The following C7orf33 variants were observed in gnomAD, a reference collection of about 807,000 sequenced individuals.
The protein encoded by C7orf33 is uncharacterized protein C7orf33.
C7orf33 carries 15 observed loss-of-function variants against 13.4 expected under a neutral mutation model. That is an observed-to-expected ratio of 1.12 (90% CI 0.75 to 1.72). The LOEUF (loss-of-function observed/expected upper bound fraction) is 1.72. Among genes scored for constraint, C7orf33 ranks in the 40% most tolerant of loss-of-function variants. C7orf33 has a pLI of 0.00. For synonymous variants in C7orf33, 73 were observed against 83.2 expected, an observed-to-expected ratio of 0.88 and a Z score of 0.67; for missense variants, 187 against 220.3, an observed-to-expected ratio of 0.85 and a Z score of 0.96.
intron 1 of C7orf33, among the ~76,000 whole-genome samples, chr7:148,593,395 G>A (rs1012824525): frequency 2.6e-5 from 4 of 151,908 alleles, no homozygotes; most frequent in African/African-American, 7.2e-5. Flanking sequence ...CCCAAGTAGC[G>A]GGAATTACAG....
At chr7:148,594,275 G>A (rs59060301) in intron 1 of C7orf33, among the ~76,000 whole-genome samples, 1,681 of 149,994 alleles carry the variant, frequency 0.011, 30 homozygotes, top group African/African-American at 0.039. Flanking sequence ...TCCCGGGTTC[G>A]TGCCATTCTC....
chr7:148,608,929 G>A (rs1437033870), intron 1 of C7orf33, among the ~76,000 whole-genome samples: 2 of 152,114 alleles, frequency 1.3e-5, no homozygotes, highest in Non-Finnish European at 2.9e-5. Context: ...ATCAGGTCCT[G>A]CTAAGAATGC....
At chr7:148,593,716 G>C (rs1159823121) in intron 1 of C7orf33, among the ~76,000 whole-genome samples, 1 of 152,122 alleles carries the variant, frequency 6.6e-6, no homozygotes, top group Non-Finnish European at 1.5e-5. Context: ...AGCCAGGGTC[G>C]GGGGATACAG....
intron 2 of C7orf33, 70 bp from the exon 3 acceptor site, chr7:148,615,257 G>A: frequency 9.6e-7 from 1 of 1,045,736 alleles, no homozygotes; most frequent in Non-Finnish European, 1.5e-6. Context: ...GTTTTAAACT[G>A]TGCTATTGAT....
chr7:148,608,629 A>G (rs1393281608), intron 1 of C7orf33, among the ~76,000 whole-genome samples: 2 of 151,966 alleles, frequency 1.3e-5, no homozygotes, highest in Non-Finnish European at 2.9e-5. Context: ...ATCCTGGCCA[A>G]CATGGAGAAA....
intron 2 of C7orf33, 142 bp from the exon 3 acceptor site, chr7:148,615,185 C>T: frequency 1.8e-6 from 1 of 561,510 alleles, no homozygotes; most frequent in Non-Finnish European, 3.3e-6. Context: ...GCGATCCACC[C>T]ACCTTGGCCT....
Position 148,599,169 on chromosome 7 carries a change from GA to G in C7orf33, c.204+8043del, listed in dbSNP as rs200121189. Among the ~76,000 whole-genome samples, 1,382 of 152,068 alleles carry G rather than the reference GA, an allele frequency of 9.1e-3. 18 individuals carry two copies. Among genetic ancestry groups the G allele is most frequent in the Non-Finnish European group, 0.014 (969 of 68,004 alleles). ...TGAGCCACTGCCCCTGGCCAGGAAT[GA>G]AATTATTGAGCCAGATGCAGAATGG... is the stretch of plus-strand genomic sequence containing the variant. On this transcript the variant is annotated intron_variant, in intron 1 of 2. Transcript: ENST00000307003.
intron 1 of C7orf33, among the ~76,000 whole-genome samples, chr7:148,601,833 G>A (rs1340542494): frequency 6.7e-6 from 1 of 149,834 alleles, no homozygotes; most frequent in East Asian, 2.0e-4. Context: ...CTAGAGTCTC[G>A]AACTCCTGGG....
At chr7:148,599,014 C>A (rs1796382926) in intron 1 of C7orf33, among the ~76,000 whole-genome samples, 1 of 151,702 alleles carries the variant, frequency 6.6e-6, no homozygotes, top group African/African-American at 2.4e-5. Flanking sequence ...AAGCACTTGC[C>A]ACCACACCTG....
intron 1 of C7orf33, among the ~76,000 whole-genome samples, chr7:148,593,109 G>C (rs1796287779): frequency 6.6e-6 from 1 of 152,052 alleles, no homozygotes; most frequent in Non-Finnish European, 1.5e-5. Flanking sequence ...CAAAGTCCTG[G>C]GATTACAGGC....
chr7:148,597,012 A>G (rs1417080915), intron 1 of C7orf33, among the ~76,000 whole-genome samples: 1 of 152,068 alleles, frequency 6.6e-6, no homozygotes, highest in Non-Finnish European at 1.5e-5. Flanking sequence ...TTTAGTGCTG[A>G]GTAATATTCC....
chr7:148,598,751 TATATATATATATAGAGAGAGAGAGAGAG>T (rs1480809173), intron 1 of C7orf33, among the ~76,000 whole-genome samples: 32 of 68,600 alleles, frequency 4.7e-4, no homozygotes, highest in African/African-American at 1.8e-3. Context: ...TATATATATA[TATATATATATATAGAGAGAGAGAGAGAG>T]AGAGAGAGAG....
intron 2 of C7orf33, 82 bp from the exon 3 acceptor site, chr7:148,615,245 G>C (rs542325989): frequency 3.2e-6 from 3 of 932,506 alleles, no homozygotes; most frequent in Non-Finnish European, 5.3e-6. Context: ...GGCTGAGACA[G>C]TGTTTTAAAC....
chr7:148,600,286 T>C (rs1315758325), intron 1 of C7orf33, among the ~76,000 whole-genome samples: 3 of 152,134 alleles, frequency 2.0e-5, no homozygotes, highest in Admixed American at 2.0e-4. Flanking sequence ...CTGGCCAATG[T>C]GGTGAAACCC....
chr7:148,610,941 G>A (rs942274390), intron 1 of C7orf33, among the ~76,000 whole-genome samples: 4 of 152,178 alleles, frequency 2.6e-5, no homozygotes, highest in African/African-American at 9.7e-5. Context: ...TGTGGCCCCA[G>A]AGGCTGGCCT....
At chr7:148,595,298 T>G (rs1002179561) in intron 1 of C7orf33, among the ~76,000 whole-genome samples, 1 of 141,202 alleles carries the variant, frequency 7.1e-6, no homozygotes, top group South Asian at 2.1e-4. Context: ...ATATATTATA[T>G]AGATATATAA....
chr7:148,591,024 G>T lies in C7orf33; in HGVS notation c.99G>T (p.Arg33Ser), dbSNP rs1454958022. ...ECEALLPSGA[R>S]RRIDLRLSGR... ...AAGCCCTCCTGCCCAGTGGGGCAAGGCGCCGGATTGACCTTCGCCTGAGTG... is the reference window on the plus strand; with the variant it reads ...AAGCCCTCCTGCCCAGTGGGGCAAGTCGCCGGATTGACCTTCGCCTGAGTG... The change falls in exon 1 of 3, where the codon AGG (arginine) becomes AGT (serine). Residue 33 changes from arginine to serine, a missense_variant. Physicochemically the swap from Arg to Ser is moderately radical, Grantham distance 110. Coordinates refer to ENST00000307003, the MANE Select transcript of C7orf33 (RefSeq NM_145304.4). 1 of 1,614,172 alleles carries T rather than the reference G, an allele frequency of 6.2e-7. No homozygotes were observed.
intron 1 of C7orf33, among the ~76,000 whole-genome samples, chr7:148,593,317 C>T (rs1347386898): frequency 6.6e-6 from 1 of 152,190 alleles, no homozygotes; most frequent in African/African-American, 2.4e-5. Flanking sequence ...GGCTGGAGTG[C>T]AATGGCTCAA....
At chr7:148,600,140 GGA>G (rs1429296277) in intron 1 of C7orf33, among the ~76,000 whole-genome samples, 1 of 152,152 alleles carries the variant, frequency 6.6e-6, no homozygotes, top group African/African-American at 2.4e-5. Context: ...TTTGGGGATG[GGA>G]AGAACCAGAG....
Sources: allele counts gnomAD v4.1 joint callset (sites outside exome capture counted in the v4.1 genomes callset), GRCh38; gene constraint gnomAD v4.1.1; transcripts MANE v1.5; gene names NCBI Gene and HGNC (gene_info 2026-07-23, HGNC 2026-07-21).